Variants in MYO7A observed in about 807,000 individuals in gnomAD.
MYO7A encodes the protein myosin VIIA.
Under a neutral mutation model 263.8 loss-of-function variants are expected in MYO7A, and 210 were observed. That is an observed-to-expected ratio of 0.80 (90% CI 0.71 to 0.89). The LOEUF is 0.89. MYO7A is among the 40% of genes least tolerant of loss of function. MYO7A has a pLI of 0.00. For missense variants in MYO7A, 2,820 were observed against 2,968.3 expected (o/e 0.95, Z 1.16); for synonymous variants, 1,239 against 1,197.3 (o/e 1.03, Z -0.72).
intron 1 of MYO7A, among the ~76,000 whole-genome samples, chr11:77,129,522 C>G (rs1011158806): frequency 6.6e-6 from 1 of 152,132 alleles, no homozygotes; most frequent in Non-Finnish European, 1.5e-5. Flanking sequence ...TTCCTGAGGC[C>G]GTCTCTGGGT....
chr11:77,180,262 T>TCTGCCAAACTATTTGG lies in MYO7A; in HGVS notation c.2587-111_2587-110insTGCCAAACTATTTGGC, dbSNP rs3831388. 5.6e-6 allele frequency: 5 copies of TCTGCCAAACTATTTGG among 900,808 alleles called. No homozygotes were observed. The Admixed American group carries it at 1.0e-4, about 19-fold the overall frequency. The allele number at this position is 900,808 out of a possible 1,614,324, so 55.8% of individuals were successfully genotyped here. A position where few individuals can be genotyped will look rare whatever the true frequency, so the allele number is the denominator to read the frequency against. ...TTTCTTGATTACCTCACTTGTCCTA[T>TCTGCCAAACTATTTGG]CAAAGTCATGCCCAGTTCCAGAACT... On this transcript the variant is annotated intron_variant, in intron 21 of 48. Coordinates refer to ENST00000409709, the MANE Select transcript of MYO7A (RefSeq NM_000260.4).
At chr11:77,190,595 C>G in intron 29 of MYO7A, 102 bp from the exon 30 acceptor site, 2 of 1,334,636 alleles carry the variant, frequency 1.5e-6, no homozygotes, top group Non-Finnish European at 1.0e-6. Flanking sequence ...GCCTGGGGTG[C>G]TGGGGCACCT....
At chr11:77,214,517 C>A in intron 48 of MYO7A, 90 bp from the exon 49 acceptor site, 2 of 956,288 alleles carry the variant, frequency 2.1e-6, no homozygotes, top group Non-Finnish European at 3.3e-6. Context: ...TGGGTTCTGC[C>A]CATTGCAGAT....
At chr11:77,202,707 C>T (rs1957152067) in intron 37 of MYO7A, among the ~76,000 whole-genome samples, 2 of 150,944 alleles carry the variant, frequency 1.3e-5, no homozygotes, top group South Asian at 2.1e-4. Flanking sequence ...TGGGATTCGG[C>T]GTGCCCAGCA....
chr11:77,143,210 C>G (rs1555051768), intron 3 of MYO7A, among the ~76,000 whole-genome samples: 1 of 152,202 alleles, frequency 6.6e-6, no homozygotes, highest in Admixed American at 6.5e-5. Context: ...TCCTTCCCTC[C>G]TGACCCTCAG....
In MYO7A at chr11:77,172,901, C is replaced by T; in HGVS notation, c.1935+16C>T. On this transcript the variant is annotated intron_variant, in intron 16 of 48. Transcript: ENST00000409709. ...GAAGCCCATGGTGAGTGGCCCTGGC[C>T]TGGGGTTGGCGGGTGGCGGCTAGGG... 1 of 1,541,708 alleles carries T rather than the reference C, an allele frequency of 6.5e-7. No individual in the cohort carries two copies. Among genetic ancestry groups the T allele is most frequent in the Non-Finnish European group, 8.8e-7 (1 of 1,139,050 alleles).
In MYO7A at chr11:77,215,112, C is replaced by T. The variant is rs549702559; in HGVS notation, c.*416C>T. ...AAATGTGCATTGAATACTCTGAAAC[C>T]GAAGGGACTGGATCTGCAGGTGGGA... is the stretch of plus-strand genomic sequence containing the variant. On this transcript the variant is annotated 3_prime_UTR_variant, in exon 49 of 49. Transcript: ENST00000409709. The T allele has an allele frequency of 3.1e-4, 57 of 183,844 alleles. No homozygotes were observed. The highest frequency in any genetic ancestry group is 9.4e-4 in the African/African-American group (40 of 42,578). The allele number at this position is 183,844 out of a possible 1,614,324, so 11.4% of individuals were successfully genotyped here. A position where few individuals can be genotyped will look rare whatever the true frequency, so the allele number is the denominator to read the frequency against.
chr11:77,199,870 C>T, intron 35 of MYO7A, 52 bp downstream of exon 35: 1 of 1,488,608 alleles, frequency 6.7e-7, no homozygotes, highest in East Asian at 2.3e-5. Context: ...GGGTGTTATG[C>T]AGACTGTCTT....
intron 40 of MYO7A, 110 bp downstream of exon 40, chr11:77,205,727 C>G: frequency 7.1e-7 from 1 of 1,406,890 alleles, no homozygotes; most frequent in Non-Finnish European, 9.6e-7. Flanking sequence ...TTGGGCCCAC[C>G]CCTGGGGTAC....
chr11:77,210,101 C>A (rs1957762414), intron 44 of MYO7A, among the ~76,000 whole-genome samples: 1 of 152,228 alleles, frequency 6.6e-6, no homozygotes, highest in Non-Finnish European at 1.5e-5. Flanking sequence ...GATTAGGTCA[C>A]CTTGTTATAT....
intron 2 of MYO7A, among the ~76,000 whole-genome samples, chr11:77,137,711 G>A (rs1950960347): frequency 6.6e-6 from 1 of 152,078 alleles, no homozygotes; most frequent in African/African-American, 2.4e-5. Context: ...AGCTGTCCTG[G>A]GGAGTTCAGG....
intron 14 of MYO7A, among the ~76,000 whole-genome samples, chr11:77,165,562 G>A (rs1296493446): frequency 6.6e-6 from 1 of 152,156 alleles, no homozygotes; most frequent in Admixed American, 6.5e-5. Flanking sequence ...TCTCCCTTTG[G>A]GGGCAGAGGA....
Position 77,138,673 on chromosome 11 carries a change from G to C in MYO7A, c.19-4036G>C, listed in dbSNP as rs561205746. On this transcript the variant is annotated intron_variant, in intron 2 of 48. Transcript: ENST00000409709. The surrounding 1 kb of genome is among the most constrained non-coding windows in gnomAD (Gnocchi z 4.9). ...CCAGGCAGGCCAGGTCTGGGCGGGG[G>C]TGTCCTGCATTTGCTGAGATCCAGA... is the stretch of plus-strand genomic sequence containing the variant. 1.3e-5 allele frequency among the ~76,000 whole-genome samples: 2 copies of C among 152,298 alleles called. No individual in the cohort carries two copies. Among genetic ancestry groups the C allele is most frequent in the East Asian group, 1.9e-4 (1 of 5,172 alleles).
intron 15 of MYO7A, among the ~76,000 whole-genome samples, chr11:77,169,441 C>T (rs1287969792): frequency 3.3e-5 from 5 of 152,224 alleles, no homozygotes; most frequent in African/African-American, 9.6e-5. Flanking sequence ...TGCAGGTGGC[C>T]TCCTGCCTGA....
intron 44 of MYO7A, chr11:77,210,814 G>T (rs975029398): frequency 2.4e-5 from 5 of 210,496 alleles, no homozygotes; most frequent in Non-Finnish European, 3.8e-5. Context: ...GAGGTGAGGG[G>T]TATGGAACAG....
chr11:77,182,895 G>A (rs1955370380), intron 25 of MYO7A, among the ~76,000 whole-genome samples, 173 bp from the exon 26 acceptor site: 1 of 152,244 alleles, frequency 6.6e-6, no homozygotes, highest in Non-Finnish European at 1.5e-5. Flanking sequence ...CTGACTGCCA[G>A]TTGGCTAGTG....
In MYO7A at chr11:77,214,564, T is replaced by G. The variant is rs112028203; in HGVS notation, c.6559-43T>G. On this transcript the variant is annotated intron_variant, in intron 48 of 48. Transcript: ENST00000409709. ...GTGCTATGGTCTGAGTGGCTGGCCC[T>G]GTCCCACCGTGTGCTCGCTTATCTT... 6.3e-6 allele frequency: 9 copies of G among 1,423,346 alleles called. 1 individual carries two copies. The East Asian group carries it at 1.2e-4, about 20-fold the overall frequency. 88.2% of individuals were successfully genotyped at this position (1,423,346 alleles called of 1,614,324 possible).
intron 45 of MYO7A, 83 bp from the exon 46 acceptor site, chr11:77,211,738 A>G: frequency 9.5e-7 from 1 of 1,048,334 alleles, no homozygotes; most frequent in East Asian, 2.4e-5. Flanking sequence ...TGGTGTGGGG[A>G]GGACTCTGAG....
intron 2 of MYO7A, among the ~76,000 whole-genome samples, chr11:77,131,051 C>CG (rs1203910159): frequency 6.6e-6 from 1 of 152,196 alleles, no homozygotes; most frequent in African/African-American, 2.4e-5. Flanking sequence ...GACTGGAGGG[C>CG]GGGGGGTGAC....
Sources: allele counts gnomAD v4.1 joint callset (sites outside exome capture counted in the v4.1 genomes callset), GRCh38; gene constraint gnomAD v4.1.1; non-coding constraint Gnocchi (gnomAD v3.1); transcripts MANE v1.5; gene names NCBI Gene and HGNC (gene_info 2026-07-23, HGNC 2026-07-21).